Variants in TRPM3 observed in about 807,000 individuals in gnomAD.
TRPM3 encodes the protein transient receptor potential cation channel subfamily M member 3, also known as long transient receptor potential channel 3.
Under a neutral mutation model 181.2 loss-of-function variants are expected in TRPM3, and 77 were observed. The observed-to-expected ratio is 0.42, with a 90% confidence interval of 0.35 to 0.51. TRPM3 has a LOEUF of 0.51. Ranked by LOEUF, TRPM3 falls within the 20% of genes least tolerant of loss-of-function variation. The probability of loss-of-function intolerance (pLI) is 0.01; values close to 1 mark genes in which losing one functional copy is unlikely to be tolerated. For missense variants in TRPM3, 1,759 were observed against 2,196.7 expected (o/e 0.80, Z 3.98); for synonymous variants, 745 against 796.4 (o/e 0.94, Z 1.09).
At chr9:71,235,267 C>G (rs2081292524) in intron 1 of TRPM3, among the ~76,000 whole-genome samples, 1 of 152,246 alleles carries the variant, frequency 6.6e-6, no homozygotes, top group African/African-American at 2.4e-5. Flanking sequence ...ACCACACACT[C>G]TGTTACAATC....
intron 1 of TRPM3, among the ~76,000 whole-genome samples, chr9:71,103,836 CCT>C (rs539610566): frequency 2.4e-3 from 358 of 152,182 alleles, no homozygotes; most frequent in Admixed American, 4.3e-3. Context: ...CAGACTATGC[CCT>C]CTTTCTGAAA....
At position 70,536,468 on chromosome 9, in the gene TRPM3, C is replaced by A. The variant is rs1314560921; in HGVS notation, c.4645G>T (p.Val1549Leu). Residue 1549 changes from valine to leucine, a missense_variant, in exon 26 of 26, where the codon GTG becomes TTG. Around this residue, in one of 8 missense-constraint regions of TRPM3, gnomAD observed 612 missense variants for 590.0 expected, o/e 1.04. Coordinates refer to ENST00000677713, the MANE Select transcript of TRPM3 (RefSeq NM_001366145.2). Reference protein sequence around the residue: ...PSRSYYANFGVPVKTAEYTSI... With the variant: ...PSRSYYANFGLPVKTAEYTSI... ...GTGTATTCTGCTGTTTTTACAGGCA[C>A]CCCAAAGTTGGCATAATAGCTCCTT... 6.2e-7 allele frequency: 1 copy of A among 1,614,116 alleles called. No individual in the cohort carries two copies. The highest frequency in any genetic ancestry group is 2.2e-5 in the East Asian group (1 of 44,868).
chr9:71,357,719 G>A (rs983851172), intron 1 of TRPM3, among the ~76,000 whole-genome samples: 2 of 117,038 alleles, frequency 1.7e-5, no homozygotes, highest in African/African-American at 6.7e-5. Context: ...ATTCTCAAGT[G>A]GTATGCTTTC....
At chr9:70,977,773 TAGAA>T (rs1223112090) in intron 1 of TRPM3, among the ~76,000 whole-genome samples, 1 of 152,144 alleles carries the variant, frequency 6.6e-6, no homozygotes, top group Non-Finnish European at 1.5e-5. Flanking sequence ...GCTGGTTTGT[TAGAA>T]AGAACACAAC....
intron 1 of TRPM3, 91 bp downstream of exon 1, chr9:71,121,087 C>T: frequency 7.4e-7 from 1 of 1,353,082 alleles, no homozygotes; most frequent in Non-Finnish European, 1.0e-6. Flanking sequence ...TTTAGGCTCC[C>T]CCAAAGGTGC....
intron 1 of TRPM3, among the ~76,000 whole-genome samples, chr9:70,968,243 A>C (rs1198475966): frequency 6.6e-6 from 1 of 152,166 alleles, no homozygotes; most frequent in Non-Finnish European, 1.5e-5. Flanking sequence ...TCTTTACAGA[A>C]AGCAAAAACA....
chr9:70,869,130 T>C lies in TRPM3; in HGVS notation c.178-4619A>G, dbSNP rs1000184069. The C allele has an allele frequency of 5.7e-6, 5 of 879,798 alleles. No individual in the cohort carries two copies. The African/African-American group carries it at 9.1e-5, about 16-fold the overall frequency. 54.5% of individuals were successfully genotyped at this position (879,798 alleles called of 1,614,324 possible). On this transcript the variant is annotated intron_variant, in intron 1 of 25. Transcript: ENST00000677713. ...AAAAAAAAGTCACTTGTTCGGCTCT[T>C]CCCCCAAGAGACGTTTCAAGTAAGC... is the stretch of plus-strand genomic sequence containing the variant.
In TRPM3 at chr9:70,862,918, T is replaced by C. The variant is rs150418952; in HGVS notation, c.452A>G (p.Asn151Ser). 62 of 1,613,440 alleles carry C rather than the reference T, an allele frequency of 3.8e-5. 1 individual carries two copies. The African/African-American group carries it at 6.4e-4, about 17-fold the overall frequency. Residue 151 changes from asparagine to serine, a missense_variant, in exon 3 of 26, where the codon AAC becomes AGC. Transcript: ENST00000677713. ...TIEFQGGGHS[N>S]KAMYVRVSFD... ...TGGCTTTCTGATTACCATGGCTTTG[T>C]TGGAATGGCCACCTCCTTGGAACTC... is the stretch of plus-strand genomic sequence containing the variant.
intron 1 of TRPM3, among the ~76,000 whole-genome samples, chr9:71,099,724 T>A (rs1264910446): frequency 6.6e-6 from 1 of 152,210 alleles, no homozygotes; most frequent in African/African-American, 2.4e-5. Context: ...ACTTGTGTTA[T>A]AATGCTAAGC....
At chr9:71,432,899 C>T (rs1468321397) in intron 1 of TRPM3, among the ~76,000 whole-genome samples, 2 of 151,934 alleles carry the variant, frequency 1.3e-5, no homozygotes, top group African/African-American at 4.8e-5. Context: ...AAGACAACAA[C>T]AACAAAAAGA....
At chr9:70,759,838 T>C (rs2077759897) in intron 8 of TRPM3, among the ~76,000 whole-genome samples, 2 of 149,966 alleles carry the variant, frequency 1.3e-5, no homozygotes, top group East Asian at 2.0e-4. Context: ...TCTCAGGGGG[T>C]GGGGGGCTAG....
At chr9:71,402,978 T>TA (rs768943011) in intron 1 of TRPM3, among the ~76,000 whole-genome samples, 1 of 152,186 alleles carries the variant, frequency 6.6e-6, no homozygotes, top group Non-Finnish European at 1.5e-5. Flanking sequence ...AAAGACAAGA[T>TA]ACAATCCTTG....
intron 1 of TRPM3, among the ~76,000 whole-genome samples, chr9:70,910,245 A>C (rs1171584404): frequency 6.6e-6 from 1 of 152,228 alleles, no homozygotes; most frequent in Non-Finnish European, 1.5e-5. Context: ...ATATACAAAA[A>C]CATGGGTGAT....
At chr9:70,932,875 A>C (rs145646933) in intron 1 of TRPM3, among the ~76,000 whole-genome samples, 51 of 152,320 alleles carry the variant, frequency 3.3e-4, no homozygotes, top group African/African-American at 1.2e-3. Context: ...AACTATGGTG[A>C]ATGTAAGAAG....
At chr9:70,833,775 G>A (rs565695399) in intron 5 of TRPM3, among the ~76,000 whole-genome samples, 99 of 152,232 alleles carry the variant, frequency 6.5e-4, no homozygotes, top group African/African-American at 2.2e-3. Flanking sequence ...ATTTCCAGAT[G>A]AGCCATCTAG....
chr9:71,386,061 G>A (rs1289018024), intron 1 of TRPM3, among the ~76,000 whole-genome samples: 2 of 152,210 alleles, frequency 1.3e-5, no homozygotes, highest in East Asian at 3.9e-4. Flanking sequence ...GGTTGGACGT[G>A]GAAGTGGCAA....
At chr9:71,344,050 T>TAGATTAGATTGATA (rs1554880746) in intron 1 of TRPM3, among the ~76,000 whole-genome samples, 18 of 149,474 alleles carry the variant, frequency 1.2e-4, no homozygotes, top group Non-Finnish European at 2.4e-4. Context: ...TAGATTAGAT[T>TAGATTAGATTGATA]GATAGATAGA....
intron 20 of TRPM3, 69 bp from the exon 21 acceptor site, chr9:70,598,739 G>A: frequency 6.4e-7 from 1 of 1,555,288 alleles, no homozygotes; most frequent in Non-Finnish European, 8.7e-7. Flanking sequence ...GTTGGGAAGT[G>A]CTTGGTCTGT....
intron 10 of TRPM3, among the ~76,000 whole-genome samples, chr9:70,639,914 G>A (rs572268112): frequency 4.6e-5 from 7 of 152,300 alleles, no homozygotes; most frequent in South Asian, 4.1e-4. Context: ...AAGGCTTGCC[G>A]GTGAGTGCTG....
Sources: gnomAD v4.1 joint callset for allele counts (sites outside exome capture counted in the v4.1 genomes callset) on GRCh38, gnomAD v4.1.1 for gene constraint, gnomAD v4.1.1 regional missense constraint, MANE v1.5 for transcripts, NCBI Gene and HGNC (gene_info 2026-07-23, HGNC 2026-07-21) for gene names.